Variants in ANO10 observed in about 807,000 individuals in gnomAD.
ANO10 encodes anoctamin 10, also known as anoctamin-10.
ANO10 carries 77 observed loss-of-function variants against 74.7 expected under a neutral mutation model. The ratio of observed to expected loss-of-function variants is 1.03; its 90% CI spans 0.86 to 1.25. The LOEUF (loss-of-function observed/expected upper bound fraction) is 1.25, where lower values mean the gene tolerates loss of function less well. Among genes scored for constraint, ANO10 ranks in the 50% most tolerant of loss-of-function variants. The pLI, the probability that ANO10 is intolerant of heterozygous loss-of-function variation, is 0.00. For synonymous variants in ANO10, 279 were observed against 284.9 expected, an observed-to-expected ratio of 0.98 and a Z score of 0.21; for missense variants, 721 against 778.1, an observed-to-expected ratio of 0.93 and a Z score of 0.87.
At position 43,690,209 on chromosome 3, in the gene ANO10, G is replaced by A. The variant is rs950243628; in HGVS notation, c.-12+1308C>T. Reference sequence around the variant, plus strand: ...CGAGTAGCTGGAATTACAGGTATGCGCCACCGCGCCCGGCTAATTTTGTAT... The same window carrying A: ...CGAGTAGCTGGAATTACAGGTATGCACCACCGCGCCCGGCTAATTTTGTAT... On this transcript the variant is annotated intron_variant, in intron 1 of 3. Coordinates refer to the ANO10 transcript ENST00000413397. 125 of 152,240 alleles carry A rather than the reference G, an allele frequency of 8.2e-4. 1 individual carries two copies. Among genetic ancestry groups the A allele is most frequent in the African/African-American group, 1.5e-3 (62 of 41,424 alleles). The allele number at this position is 152,240 out of a possible 1,614,324, so 9.4% of individuals were successfully genotyped here. A position where few individuals can be genotyped will look rare whatever the true frequency, so the allele number is the denominator to read the frequency against.
At chr3:43,532,998 C>T (rs1272260312) in intron 11 of ANO10, among the ~76,000 whole-genome samples, 2 of 152,150 alleles carry the variant, frequency 1.3e-5, no homozygotes, top group South Asian at 2.1e-4. Context: ...AAGCCAGGAC[C>T]TAAATCCAGG....
chr3:43,404,876 C>T (rs946916867), intron 12 of ANO10, among the ~76,000 whole-genome samples: 1 of 81,398 alleles, frequency 1.2e-5, no homozygotes, highest in Non-Finnish European at 2.3e-5. Context: ...GAACCTGTCT[C>T]AAAAAAAAAA....
At chr3:43,449,074 AC>A (rs1282651924) in intron 11 of ANO10, among the ~76,000 whole-genome samples, 3 of 151,838 alleles carry the variant, frequency 2.0e-5, no homozygotes, top group African/African-American at 7.3e-5. Context: ...ACTGGGTTTC[AC>A]CGTGTTAGCC....
chr3:43,477,785 C>A (rs2076122992), intron 11 of ANO10, among the ~76,000 whole-genome samples: 1 of 152,114 alleles, frequency 6.6e-6, no homozygotes, highest in African/African-American at 2.4e-5. Context: ...TTGGGCAAGG[C>A]ATAATCTTAA....
intron 1 of ANO10, among the ~76,000 whole-genome samples, chr3:43,643,651 A>G (rs951311142): frequency 6.7e-6 from 1 of 149,028 alleles, no homozygotes; most frequent in African/African-American, 2.5e-5. Context: ...ATCCATTGTT[A>G]AAAGCTTTTC....
intron 11 of ANO10, among the ~76,000 whole-genome samples, chr3:43,435,208 TAAG>T (rs1184417423): frequency 6.6e-6 from 1 of 152,146 alleles, no homozygotes; most frequent in Non-Finnish European, 1.5e-5. Flanking sequence ...TCCAAGAATA[TAAG>T]AAGCTGGGCA....
At chr3:43,482,550 A>G (rs897823586) in intron 11 of ANO10, among the ~76,000 whole-genome samples, 1 of 151,964 alleles carries the variant, frequency 6.6e-6, no homozygotes, top group Admixed American at 6.6e-5. Flanking sequence ...CCCCCAAAAC[A>G]CCATACCCAG....
At chr3:43,478,493 G>C (rs1463944418) in intron 11 of ANO10, among the ~76,000 whole-genome samples, 1 of 152,178 alleles carries the variant, frequency 6.6e-6, no homozygotes, top group Non-Finnish European at 1.5e-5. Context: ...TCTGACTCCA[G>C]GACCCATGCT....
chr3:43,552,726 A>ATGTATG (rs1318823685), intron 10 of ANO10, among the ~76,000 whole-genome samples: 216 of 95,546 alleles, frequency 2.3e-3, no homozygotes, highest in Middle Eastern at 0.011. Context: ...ATATATATAT[A>ATGTATG]TATGTATGTA....
chr3:43,689,884 G>C lies in ANO10; in HGVS notation c.-12+1633C>G, dbSNP rs146960224. Among the ~76,000 whole-genome samples, 579 of 152,240 alleles carry C rather than the reference G, an allele frequency of 3.8e-3. 8 individuals carry two copies. The highest frequency in any genetic ancestry group is 0.014 in the African/African-American group (561 of 41,526). On this transcript the variant is annotated intron_variant, in intron 1 of 3. Transcript: ENST00000413397. Reference sequence around the variant, plus strand: ...TCAACCCATTGTTTTCAAGCACCTAGAACAAAGTGAGCCCATAGTAGACAC... The same window carrying C: ...TCAACCCATTGTTTTCAAGCACCTACAACAAAGTGAGCCCATAGTAGACAC...
chr3:43,602,736 G>A (rs1296442580), intron 2 of ANO10, among the ~76,000 whole-genome samples: 7 of 152,278 alleles, frequency 4.6e-5, no homozygotes, highest in African/African-American at 9.6e-5. Context: ...TCATGTTTAC[G>A]AAAGAGGCTC....
At chr3:43,427,798 C>T (rs909754848) in intron 12 of ANO10, among the ~76,000 whole-genome samples, 8 of 152,200 alleles carry the variant, frequency 5.3e-5, no homozygotes, top group Non-Finnish European at 1.2e-4. Flanking sequence ...GGCACTAGTT[C>T]AGCAAGTGAA....
chr3:43,662,674 A>G (rs1252235659), intron 1 of ANO10, among the ~76,000 whole-genome samples: 2 of 152,188 alleles, frequency 1.3e-5, no homozygotes, highest in African/African-American at 4.8e-5. Flanking sequence ...AAGAGAGAAG[A>G]ATCAAATAGA....
intron 11 of ANO10, among the ~76,000 whole-genome samples, chr3:43,486,382 G>A (rs1038214876): frequency 2.6e-5 from 4 of 151,404 alleles, no homozygotes; most frequent in African/African-American, 7.3e-5. Context: ...CATTGAATCT[G>A]TAAATTACCT....
intron 12 of ANO10, among the ~76,000 whole-genome samples, chr3:43,383,047 C>G (rs2125700014): frequency 6.6e-6 from 1 of 152,220 alleles, no homozygotes; most frequent in Non-Finnish European, 1.5e-5. Flanking sequence ...ATCCTAAGAC[C>G]AAAACCAGGA....
intron 1 of ANO10, among the ~76,000 whole-genome samples, chr3:43,619,868 CAAAA>C (rs746826623): frequency 3.8e-5 from 3 of 79,944 alleles, no homozygotes. Flanking sequence ...AGACCTTGTC[CAAAA>C]AAAAAAAAAA....
intron 11 of ANO10, among the ~76,000 whole-genome samples, chr3:43,481,848 C>A (rs2076280127): frequency 6.6e-6 from 1 of 152,056 alleles, no homozygotes; most frequent in Non-Finnish European, 1.5e-5. Flanking sequence ...GTCCACAGTG[C>A]CTGAACCTCA....
At chr3:43,439,827 A>T (rs571625405) in intron 11 of ANO10, among the ~76,000 whole-genome samples, 1 of 152,228 alleles carries the variant, frequency 6.6e-6, no homozygotes, top group East Asian at 1.9e-4. Context: ...GGTTGCAGTG[A>T]CCTGTGATTG....
intron 12 of ANO10, 143 bp from the exon 13 acceptor site, chr3:43,367,117 C>G: frequency 1.3e-6 from 1 of 779,216 alleles, no homozygotes. Context: ...CCTGCAAGTC[C>G]CTGGGTCTGA....
Sources: allele counts gnomAD v4.1 joint callset (sites outside exome capture counted in the v4.1 genomes callset), GRCh38; gene constraint gnomAD v4.1.1; transcripts MANE v1.5; gene names NCBI Gene and HGNC (gene_info 2026-07-23, HGNC 2026-07-21).